The following DLGAP2 variants were observed in gnomAD, a reference collection of about 807,000 sequenced individuals.
DLGAP2 encodes the protein DLG associated protein 2.
In DLGAP2, 26 loss-of-function variants were observed where a neutral mutation model predicts 100.3. The ratio of observed to expected loss-of-function variants is 0.26; its 90% CI spans 0.19 to 0.36. The LOEUF is 0.36. Among genes scored for constraint, DLGAP2 ranks in the 10% least tolerant of loss-of-function variants. The pLI is 1.00. For synonymous variants in DLGAP2, 886 were observed against 630.1 expected, an observed-to-expected ratio of 1.41 and a Z score of -6.08; for missense variants, 1,858 against 1,453.2, an observed-to-expected ratio of 1.28 and a Z score of -4.53.
At chr8:1,606,782 A>G (rs1796814543) in intron 6 of DLGAP2, among the ~76,000 whole-genome samples, 1 of 152,148 alleles carries the variant, frequency 6.6e-6, no homozygotes, top group Non-Finnish European at 1.5e-5. Flanking sequence ...CCCTGAGCTC[A>G]AGGAATCCTC....
At chr8:1,670,698 C>A (rs934659092) in intron 10 of DLGAP2, among the ~76,000 whole-genome samples, 21 of 152,188 alleles carry the variant, frequency 1.4e-4, no homozygotes, top group Non-Finnish European at 4.4e-5. Flanking sequence ...GAAAAAAAAA[C>A]GCACAACATC....
chr8:1,019,883 G>A (rs1011535751), intron 2 of DLGAP2, among the ~76,000 whole-genome samples: 3 of 152,174 alleles, frequency 2.0e-5, no homozygotes, highest in Non-Finnish European at 4.4e-5. Context: ...CAGTGGTAGC[G>A]TTCCCTTCCG....
intron 3 of DLGAP2, among the ~76,000 whole-genome samples, chr8:1,264,092 C>G (rs1047770441): frequency 1.3e-5 from 2 of 152,066 alleles, no homozygotes; most frequent in Non-Finnish European, 1.5e-5. Context: ...TGTCCCATGC[C>G]CACTAAGAAT....
intron 3 of DLGAP2, among the ~76,000 whole-genome samples, chr8:1,478,423 G>A (rs988036013): frequency 2.6e-5 from 4 of 152,186 alleles, no homozygotes; most frequent in East Asian, 1.9e-4. Flanking sequence ...AGCTCCTCGC[G>A]GTGTGAAGAG....
At chr8:759,266 C>T (rs1315871881) in intron 1 of DLGAP2, among the ~76,000 whole-genome samples, 11 of 149,912 alleles carry the variant, frequency 7.3e-5, no homozygotes, top group East Asian at 3.9e-4. Flanking sequence ...TGTCAATACC[C>T]CCCACAGCCT....
At chr8:1,135,594 C>T (rs1335798671) in intron 2 of DLGAP2, among the ~76,000 whole-genome samples, 3 of 132,340 alleles carry the variant, frequency 2.3e-5, no homozygotes, top group Non-Finnish European at 4.6e-5. Flanking sequence ...CGGAGCGTGG[C>T]ACACCTAAGG....
chr8:1,489,655 C>T (rs1799321112), intron 3 of DLGAP2, among the ~76,000 whole-genome samples: 1 of 152,182 alleles, frequency 6.6e-6, no homozygotes, highest in African/African-American at 2.4e-5. Context: ...AAATAAAACA[C>T]GGCCATAATT....
chr8:1,221,415 G>C (rs772481564), intron 2 of DLGAP2, among the ~76,000 whole-genome samples: 13 of 152,180 alleles, frequency 8.5e-5, no homozygotes, highest in Non-Finnish European at 4.4e-5. Context: ...TACGGATGCT[G>C]AATATAGTTT....
chr8:1,565,989 C>A, intron 6 of DLGAP2, 95 bp downstream of exon 6: 1 of 1,066,878 alleles, frequency 9.4e-7, no homozygotes, highest in Non-Finnish European at 1.3e-6. Context: ...GAGTGCCATC[C>A]ATTTAAACTA....
chr8:1,218,960 T>G (rs1183087045), intron 2 of DLGAP2, among the ~76,000 whole-genome samples: 1 of 152,186 alleles, frequency 6.6e-6, no homozygotes, highest in Non-Finnish European at 1.5e-5. Flanking sequence ...GCTATTAATT[T>G]TTGTACACTG....
intron 8 of DLGAP2, 90 bp downstream of exon 8, chr8:1,633,136 C>A (rs1797691586): frequency 9.8e-6 from 12 of 1,229,086 alleles, no homozygotes; most frequent in Non-Finnish European, 1.3e-5. Context: ...CACAGCACCA[C>A]AGTACAATGT....
At chr8:1,010,292 ACACT>A (rs1368554791) in intron 2 of DLGAP2, among the ~76,000 whole-genome samples, 1 of 130,970 alleles carries the variant, frequency 7.6e-6, no homozygotes, top group African/African-American at 3.0e-5. Flanking sequence ...ATATGTGTGT[ACACT>A]CAGATATCAG....
chr8:863,681 C>T (rs1797436261), intron 1 of DLGAP2, among the ~76,000 whole-genome samples: 2 of 152,192 alleles, frequency 1.3e-5, no homozygotes, highest in African/African-American at 2.4e-5. Context: ...CGAGCTGTCC[C>T]CTGGCCCCTG....
intron 2 of DLGAP2, among the ~76,000 whole-genome samples, chr8:1,180,790 G>A (rs1206896703): frequency 6.6e-6 from 1 of 152,202 alleles, no homozygotes; most frequent in East Asian, 1.9e-4. Flanking sequence ...GTGTGTGGGT[G>A]TGCAAGGGCA....
intron 2 of DLGAP2, among the ~76,000 whole-genome samples, chr8:1,102,366 AT>A (rs1394187899): frequency 6.8e-6 from 1 of 147,908 alleles, no homozygotes; most frequent in Non-Finnish European, 1.5e-5. Context: ...TCTATTATAT[AT>A]TTATATATAA....
At chr8:1,175,830 T>G (rs976776827) in intron 2 of DLGAP2, among the ~76,000 whole-genome samples, 1 of 152,228 alleles carries the variant, frequency 6.6e-6, no homozygotes, top group African/African-American at 2.4e-5. Context: ...AGGAAGGCAC[T>G]CGGCATTGGA....
chr8:1,116,800 C>CA lies in DLGAP2; in HGVS notation c.74-142043dup, dbSNP rs780262494. ...TAGGTGACAGGGCAAAACCCTGTCTCAAAAAAAAGAGAAAAAAAAAGAGAA... is the reference window on the plus strand; with the variant it reads ...TAGGTGACAGGGCAAAACCCTGTCTCAAAAAAAAAGAGAAAAAAAAAGAGAA... On this transcript the variant is annotated intron_variant, in intron 2 of 14. Transcript: ENST00000637795. Among the ~76,000 whole-genome samples the CA allele has an allele frequency of 5.8e-4, 85 of 147,418 alleles. No homozygotes were observed. In the East Asian group the frequency reaches 0.012, roughly 20 times the overall value.
At chr8:952,186 A>G (rs934313721) in intron 2 of DLGAP2, among the ~76,000 whole-genome samples, 4 of 152,332 alleles carry the variant, frequency 2.6e-5, no homozygotes, top group African/African-American at 9.6e-5. Context: ...CCCATTTTGC[A>G]GAGCTGAAAG....
Position 1,701,489 on chromosome 8 carries a change from C to A in DLGAP2, c.*83C>A. 4.4e-6 allele frequency: 6 copies of A among 1,368,888 alleles called. No individual in the cohort carries two copies. Among genetic ancestry groups the A allele is most frequent in the Non-Finnish European group, 5.9e-6 (6 of 1,016,836 alleles). The allele number at this position is 1,368,888 out of a possible 1,614,324, so 84.8% of individuals were successfully genotyped here. A position where few individuals can be genotyped will look rare whatever the true frequency, so the allele number is the denominator to read the frequency against. On this transcript the variant is annotated 3_prime_UTR_variant, in exon 15 of 15. Transcript: ENST00000637795. ...GCGGCGCCGCCCTGGTGGTTTCTGT[C>A]TCCTCCTCCCGCTGAACACGTCCTC...
Sources: gnomAD v4.1 joint callset for allele counts (sites outside exome capture counted in the v4.1 genomes callset) on GRCh38, gnomAD v4.1.1 for gene constraint, MANE v1.5 for transcripts, NCBI Gene and HGNC (gene_info 2026-07-23, HGNC 2026-07-21) for gene names.